The following DIS3L variants were observed in gnomAD, a reference collection of about 807,000 sequenced individuals.
The protein encoded by DIS3L is DIS3-like exonuclease 1.
A neutral mutation model predicts 120.3 loss-of-function variants in DIS3L; 100 were observed. The ratio of observed to expected loss-of-function variants is 0.83; its 90% CI spans 0.71 to 0.98. DIS3L has a LOEUF of 0.98. Ranked by LOEUF, DIS3L falls within the 50% of genes least tolerant of loss-of-function variation. The pLI is 0.00. For synonymous variants in DIS3L, 426 were observed against 470.6 expected (o/e 0.91, Z 1.23); for missense variants, 1,196 against 1,314.2 (o/e 0.91, Z 1.39).
chr15:66,332,131 T>C (rs570982661), intron 15 of DIS3L, 111 bp downstream of exon 15: 888 of 1,066,794 alleles, frequency 8.3e-4, no homozygotes, highest in Middle Eastern at 2.0e-3. Context: ...AGTTATCATA[T>C]GTACATAATG....
chr15:66,303,764 T>C (rs899118006), intron 2 of DIS3L, among the ~76,000 whole-genome samples: 6 of 152,130 alleles, frequency 3.9e-5, no homozygotes, highest in African/African-American at 1.4e-4. Context: ...TACCGAACTG[T>C]GTAAGGCAGA....
intron 8 of DIS3L, 122 bp from the exon 9 acceptor site, chr15:66,320,446 CACT>C: frequency 1.0e-6 from 1 of 1,003,458 alleles, no homozygotes; most frequent in South Asian, 2.0e-5. Context: ...TACCATACAC[CACT>C]ATTTGCACCT....
At position 66,311,694 on chromosome 15, in the gene DIS3L, C is replaced by G. The variant is rs28616181; in HGVS notation, c.559-30C>G. The G allele has an allele frequency of 1.9e-6, 3 of 1,611,394 alleles. 1 individual carries two copies. In the South Asian group the frequency reaches 3.3e-5, roughly 18 times the overall value. ...TGGTGAAGAATCAGTACCTTCTGAC[C>G]GTGTTTCTCTGTGCCTTTATTAAAT... is the stretch of plus-strand genomic sequence containing the variant. On this transcript the variant is annotated intron_variant, in intron 4 of 16. Coordinates refer to ENST00000319212, the MANE Select transcript of DIS3L (RefSeq NM_001143688.3).
intron 12 of DIS3L, among the ~76,000 whole-genome samples, chr15:66,327,473 G>A (rs1160774963): frequency 1.3e-5 from 2 of 151,996 alleles, no homozygotes; most frequent in Admixed American, 1.3e-4. Context: ...CCAAGTATAG[G>A]CAGGCTGGGC....
At chr15:66,329,580 C>A in intron 14 of DIS3L, 181 bp downstream of exon 14, 5 of 1,293,204 alleles carry the variant, frequency 3.9e-6, no homozygotes, top group South Asian at 2.4e-5. Context: ...GGAGATTTGA[C>A]GGTAGATTAT....
intron 2 of DIS3L, among the ~76,000 whole-genome samples, chr15:66,300,388 G>A (rs534806142): frequency 2.4e-4 from 36 of 152,312 alleles, no homozygotes; most frequent in African/African-American, 8.2e-4. Flanking sequence ...GCCGGGGGCT[G>A]GGGTCAAGGG....
rs1343806819 is a variant in DIS3L, at chr15:66,315,181, T to C, written c.960T>C (p.Ala320=). Residue 320 remains alanine, a synonymous_variant, in exon 7 of 17, where the codon GCT becomes GCC. Transcript: ENST00000319212. ...GTGAGAATGACTGTGACGACAAGGCTTCGGGCGAGTCCCCAAGTGAGCCCA... is the reference window on the plus strand; with the variant it reads ...GTGAGAATGACTGTGACGACAAGGCCTCGGGCGAGTCCCCAAGTGAGCCCA... ...ALCENDCDDK[A]SGESPSEPMP... 9 of 1,613,772 alleles carry C rather than the reference T, an allele frequency of 5.6e-6. No homozygotes were observed. Among genetic ancestry groups the C allele is most frequent in the African/African-American group, 5.3e-5 (4 of 74,926 alleles).
upstream of DIS3L, chr15:66,293,540 C>T (rs1269313397): frequency 3.7e-6 from 5 of 1,349,864 alleles, no homozygotes; most frequent in Non-Finnish European, 4.8e-6. Flanking sequence ...GGGTCCGAGG[C>T]CGCGGCCTTG....
chr15:66,294,202 C>T, intron 1 of DIS3L: 2 of 985,598 alleles, frequency 2.0e-6, no homozygotes, highest in Non-Finnish European at 2.4e-6. Flanking sequence ...CACTGTTGCC[C>T]CAGACTTTTC....
chr15:66,328,785 G>A (rs2092965047), intron 12 of DIS3L, among the ~76,000 whole-genome samples, 185 bp from the exon 13 acceptor site: 1 of 152,100 alleles, frequency 6.6e-6, no homozygotes, highest in African/African-American at 2.4e-5. Flanking sequence ...TGACACTCTT[G>A]TTTTGTTTAA....
At chr15:66,303,256 AC>A (rs1316008331) in intron 2 of DIS3L, among the ~76,000 whole-genome samples, 1 of 152,188 alleles carries the variant, frequency 6.6e-6, no homozygotes, top group Non-Finnish European at 1.5e-5. Flanking sequence ...GTTGCTGTGA[AC>A]ATAGGTATAC....
intron 15 of DIS3L, among the ~76,000 whole-genome samples, chr15:66,332,516 A>ATGTGTGTGTGTG (rs1566964112): frequency 1.1e-5 from 1 of 92,062 alleles, no homozygotes; most frequent in African/African-American, 3.4e-5. Context: ...GTGTGTGTGT[A>ATGTGTGTGTGTG]TATATATACA....
rs11543950 is a variant in DIS3L at position 66,333,346 on chromosome 15, G to A, written c.*34G>A. ...TACTTCACTAAGAGCTGTCATATGT[G>A]AATGTTTTACAGTCTTTTCAAACTT... is the stretch of plus-strand genomic sequence containing the variant. On this transcript the variant is annotated 3_prime_UTR_variant, in exon 17 of 17. Coordinates refer to ENST00000319212, the MANE Select transcript of DIS3L (RefSeq NM_001143688.3). The A allele has an allele frequency of 1.9e-6, 3 of 1,556,162 alleles. No homozygotes were observed. The highest frequency in any genetic ancestry group is 1.7e-6 in the Non-Finnish European group (2 of 1,154,932).
chr15:66,332,649 G>T, intron 15 of DIS3L, 87 bp from the exon 16 acceptor site: 1 of 1,290,892 alleles, frequency 7.7e-7, no homozygotes, highest in Non-Finnish European at 1.1e-6. Context: ...TTTAATCTAG[G>T]AGAAAAACTA....
At chr15:66,315,004 T>A in intron 6 of DIS3L, 32 bp from the exon 7 acceptor site, 2 of 1,605,754 alleles carry the variant, frequency 1.2e-6, no homozygotes, top group Non-Finnish European at 1.7e-6. Flanking sequence ...CCCTTGGCTT[T>A]ATGGGTTTTT....
chr15:66,332,195 G>A (rs544633914), intron 15 of DIS3L, among the ~76,000 whole-genome samples, 175 bp downstream of exon 15: 7 of 152,224 alleles, frequency 4.6e-5, no homozygotes, highest in African/African-American at 1.2e-4. Context: ...GGTGGCTCAC[G>A]CCTATAATCC....
intron 15 of DIS3L, 138 bp downstream of exon 15, chr15:66,332,158 A>G (rs2093005326): frequency 1.1e-6 from 1 of 930,618 alleles, no homozygotes; most frequent in African/African-American, 1.7e-5. Context: ...ATAATTCAGT[A>G]TATAAATGTG....
intron 11 of DIS3L, among the ~76,000 whole-genome samples, chr15:66,324,054 T>G (rs2092912865): frequency 6.6e-6 from 1 of 152,164 alleles, no homozygotes. Flanking sequence ...AATGAAAGGT[T>G]CCTCCCTATC....
At chr15:66,295,682 A>G (rs1485572220) in intron 2 of DIS3L, among the ~76,000 whole-genome samples, 3 of 152,208 alleles carry the variant, frequency 2.0e-5, no homozygotes, top group African/African-American at 7.2e-5. Context: ...AAGGCTTTCT[A>G]ATTGAACAAG....
Sources: allele counts gnomAD v4.1 joint callset (sites outside exome capture counted in the v4.1 genomes callset), GRCh38; gene constraint gnomAD v4.1.1; transcripts MANE v1.5; gene names NCBI Gene and HGNC (gene_info 2026-07-23, HGNC 2026-07-21).